Variants in RYR1 observed in about 807,000 individuals in gnomAD.
RYR1 encodes ryanodine receptor 1.
Under a neutral mutation model 583.5 loss-of-function variants are expected in RYR1, and 342 were observed. That is an observed-to-expected ratio of 0.59 (90% CI 0.54 to 0.64). RYR1 has a LOEUF of 0.64. Among genes scored for constraint, RYR1 ranks in the 30% least tolerant of loss-of-function variants. The pLI is 0.00. For synonymous variants in RYR1, 2,791 were observed against 2,822.5 expected (o/e 0.99, Z 0.35); for missense variants, 6,032 against 6,917.2 (o/e 0.87, Z 4.54).
chr19:38,490,611 C>T lies in RYR1; in HGVS notation c.6016-10C>T. 1 of 1,556,600 alleles carries T rather than the reference C, an allele frequency of 6.4e-7. No homozygotes were observed. Among genetic ancestry groups the T allele is most frequent in the South Asian group, 1.1e-5 (1 of 89,692 alleles). On this transcript the variant is annotated splice_polypyrimidine_tract_variant and intron_variant, in intron 36 of 105. Transcript: ENST00000359596. ...TCAGACCCTCATTCTAATCTTTGACCTTCCCCTAGATCAATATGCTATTGC... is the reference window on the plus strand; with the variant it reads ...TCAGACCCTCATTCTAATCTTTGACTTTCCCCTAGATCAATATGCTATTGC...
chr19:38,570,486 G>A, intron 93 of RYR1, 121 bp from the exon 94 acceptor site: 1 of 620,158 alleles, frequency 1.6e-6, no homozygotes, highest in Non-Finnish European at 2.9e-6. Flanking sequence ...TAAATAAATA[G>A]GAGGTTGTAG....
At chr19:38,579,547 G>A (rs1269104140) in intron 99 of RYR1, among the ~76,000 whole-genome samples, 1 of 147,382 alleles carries the variant, frequency 6.8e-6, no homozygotes, top group East Asian at 2.0e-4. Flanking sequence ...CTGAGATTGC[G>A]CCATAGCATT....
chr19:38,434,874 C>A (rs1206671429), intron 1 of RYR1, among the ~76,000 whole-genome samples: 1 of 152,194 alleles, frequency 6.6e-6, no homozygotes, highest in African/African-American at 2.4e-5. Context: ...AATGCTGACA[C>A]AGCATTCCTG....
chr19:38,503,099 TC>T (rs1970273940), intron 49 of RYR1, 129 bp downstream of exon 49: 3 of 860,600 alleles, frequency 3.5e-6, no homozygotes, highest in South Asian at 2.8e-5. Context: ...TAGGGCAGCG[TC>T]CCCGTAGAAA....
intron 69 of RYR1, chr19:38,523,629 C>T (rs988653244): frequency 1.6e-6 from 1 of 608,530 alleles, no homozygotes; most frequent in Non-Finnish European, 2.9e-6. Flanking sequence ...CTCTCTCCTC[C>T]CATTTCCCTC....
intron 71 of RYR1, 24 bp from the exon 72 acceptor site, chr19:38,526,968 AC>A: frequency 6.2e-7 from 1 of 1,613,334 alleles, no homozygotes; most frequent in Non-Finnish European, 8.5e-7. Context: ...CTCCAGAGTG[AC>A]CCAGCCTGGC....
chr19:38,507,925 TC>T, intron 58 of RYR1, 98 bp downstream of exon 58: 1 of 527,174 alleles, frequency 1.9e-6, no homozygotes, highest in Non-Finnish European at 3.3e-6. Context: ...ACTCAATCCG[TC>T]CTCCCCTTAT....
Position 38,515,011 on chromosome 19 carries a change from C to G in RYR1, c.9473-15C>G, listed in dbSNP as rs777717266. On this transcript the variant is annotated splice_polypyrimidine_tract_variant and intron_variant, in intron 63 of 105. Transcript: ENST00000359596. ...TGTGAGCGCATGCCGCAGCCTCGCC[C>G]CCTGTCTCCCTCAGTGGACGACGTC... 5.4e-5 allele frequency: 86 copies of G among 1,606,896 alleles called. No homozygotes were observed. Among genetic ancestry groups the G allele is most frequent in the Non-Finnish European group, 7.1e-5 (84 of 1,174,862 alleles).
Position 38,494,513 on chromosome 19 carries a change from C to T in RYR1, c.6436C>T (p.Pro2146Ser), listed in dbSNP as rs778281847. 6.2e-7 allele frequency: 1 copy of T among 1,613,802 alleles called. No homozygotes were observed. The highest frequency in any genetic ancestry group is 1.1e-5 in the South Asian group (1 of 91,068). Residue 2146 changes from proline (P) to serine (S), a missense_variant, in exon 39 of 106, where the codon CCG becomes TCG. Around this residue, in one of 11 missense-constraint regions of RYR1, gnomAD observed 2,627 missense variants for 2,961.3 expected, o/e 0.89. Coordinates refer to ENST00000359596, the MANE Select transcript of RYR1 (RefSeq NM_000540.3). ...CCTGCCGCGGGCGTACACCATCTCA[C>T]CGTCCTCCGTGGAAGACACCATGAG... ...RALPRAYTIS[P>S]SSVEDTMSLL... is the part of the protein sequence containing the mutation.
chr19:38,503,705 G>A (rs184497106), intron 49 of RYR1, among the ~76,000 whole-genome samples: 67 of 152,004 alleles, frequency 4.4e-4, no homozygotes, highest in Non-Finnish European at 7.6e-4. Flanking sequence ...CCTGGGAGGC[G>A]GAGGTTGCAG....
At chr19:38,507,960 A>C in intron 58 of RYR1, 133 bp downstream of exon 58, 1 of 678,524 alleles carries the variant, frequency 1.5e-6, no homozygotes, top group Non-Finnish European at 2.7e-6. Context: ...AGCTTCTACT[A>C]TGTGCCAGAC....
At chr19:38,441,355 CAA>C (rs1972673994) in intron 2 of RYR1, among the ~76,000 whole-genome samples, 1 of 142,698 alleles carries the variant, frequency 7.0e-6, no homozygotes, top group African/African-American at 2.6e-5. Flanking sequence ...TTTCAGGTAA[CAA>C]GACTGAATTA....
chr19:38,442,909 G>T (rs192213655), intron 3 of RYR1, among the ~76,000 whole-genome samples: 1 of 152,122 alleles, frequency 6.6e-6, no homozygotes, highest in African/African-American at 2.4e-5. Flanking sequence ...CCCATCCCAA[G>T]CGTGAGTCCC....
chr19:38,444,391 C>A lies in RYR1; in HGVS notation c.537+130C>A. 1.1e-6 allele frequency: 1 copy of A among 876,144 alleles called. No individual in the cohort carries two copies. The highest frequency in any genetic ancestry group is 1.9e-6 in the Non-Finnish European group (1 of 532,524). The allele number at this position is 876,144 out of a possible 1,614,324, so 54.3% of individuals were successfully genotyped here. A position where few individuals can be genotyped will look rare whatever the true frequency, so the allele number is the denominator to read the frequency against. ...TGACTCCCAATTTCCCATTTCCTGA[C>A]CCCTGACATCCAATTTTCTGATTTC... is the stretch of plus-strand genomic sequence containing the variant. On this transcript the variant is annotated intron_variant, in intron 6 of 105. Transcript: ENST00000359596. The surrounding 1 kb of genome is among the most constrained non-coding windows in gnomAD (Gnocchi z 5.1).
chr19:38,521,078 C>T (rs1971207733), intron 67 of RYR1, among the ~76,000 whole-genome samples: 2 of 151,820 alleles, frequency 1.3e-5, no homozygotes, highest in South Asian at 4.2e-4. Context: ...AATTTGAGAC[C>T]AGCCTAGGCA....
intron 33 of RYR1, 95 bp from the exon 34 acceptor site, chr19:38,485,495 G>A: frequency 2.0e-6 from 3 of 1,497,902 alleles, no homozygotes; most frequent in Non-Finnish European, 2.8e-6. Context: ...ATAAATGGGT[G>A]GATAGTGATG....
chr19:38,572,701 A>G (rs1028654783), intron 95 of RYR1, among the ~76,000 whole-genome samples: 4 of 151,874 alleles, frequency 2.6e-5, no homozygotes, highest in Admixed American at 6.6e-5. Flanking sequence ...GGCATCAGGC[A>G]CCACTCCTGG....
rs199855033 is a variant in RYR1 at position 38,444,213 on chromosome 19, C to T, written c.489C>T (p.Arg163=). ...SKQRSEGEKV[R]VGDDIILVSV... is the part of the protein sequence containing the mutation. ...AGAGGTCTGAAGGAGAAAAGGTCCG[C>T]GTTGGGGATGACATCATCCTTGTCA... Residue 163 remains arginine (R), a synonymous_variant, in exon 6 of 106, where the codon CGC becomes CGT. Transcript: ENST00000359596. The surrounding 1 kb of genome is among the most constrained non-coding windows in gnomAD (Gnocchi z 5.1). 1.9e-6 allele frequency: 3 copies of T among 1,614,076 alleles called. No individual in the cohort carries two copies. The highest frequency in any genetic ancestry group is 1.1e-5 in the South Asian group (1 of 91,072).
intron 29 of RYR1, among the ~76,000 whole-genome samples, chr19:38,476,400 T>C (rs1177920998): frequency 6.6e-6 from 1 of 152,158 alleles, no homozygotes; most frequent in Non-Finnish European, 1.5e-5. Flanking sequence ...GGTTTCACCA[T>C]ATTGGCCAGG....
Sources: gnomAD v4.1 joint callset for allele counts (sites outside exome capture counted in the v4.1 genomes callset) on GRCh38, gnomAD v4.1.1 for gene constraint, gnomAD v4.1.1 regional missense constraint, Gnocchi (gnomAD v3.1) non-coding constraint, MANE v1.5 for transcripts, NCBI Gene and HGNC (gene_info 2026-07-23, HGNC 2026-07-21) for gene names.